The following KCNIP4 variants were observed in gnomAD, a reference collection of about 807,000 sequenced individuals.
KCNIP4 encodes the protein Kv channel-interacting protein 4.
Under a neutral mutation model 34.0 loss-of-function variants are expected in KCNIP4, and 12 were observed. The ratio of observed to expected loss-of-function variants is 0.35; its 90% CI spans 0.23 to 0.57. The LOEUF is 0.57. Among genes scored for constraint, KCNIP4 ranks in the 20% least tolerant of loss-of-function variants. KCNIP4 has a pLI of 0.83. For synonymous variants in KCNIP4, 124 were observed against 102.2 expected, an observed-to-expected ratio of 1.21 and a Z score of -1.29; for missense variants, 238 against 311.7, an observed-to-expected ratio of 0.76 and a Z score of 1.78.
chr4:21,449,417 C>A (rs1298472296), intron 1 of KCNIP4, among the ~76,000 whole-genome samples: 1 of 151,968 alleles, frequency 6.6e-6, no homozygotes, highest in Non-Finnish European at 1.5e-5. Flanking sequence ...TCACCCATAC[C>A]TAATTTCGAT....
intron 1 of KCNIP4, among the ~76,000 whole-genome samples, chr4:21,106,371 T>C (rs931051496): frequency 2.6e-5 from 4 of 151,804 alleles, no homozygotes; most frequent in African/African-American, 7.3e-5. Flanking sequence ...CTAGATTTTC[T>C]AGTTTATTTG....
intron 3 of KCNIP4, among the ~76,000 whole-genome samples, chr4:20,828,743 A>G (rs75292282): frequency 6.6e-6 from 1 of 152,152 alleles, no homozygotes. Flanking sequence ...TTGTTTGTTG[A>G]ATTTTTATAT....
intron 1 of KCNIP4, among the ~76,000 whole-genome samples, chr4:21,153,991 A>AC (rs1186472631): frequency 6.6e-6 from 1 of 150,952 alleles, no homozygotes; most frequent in African/African-American, 2.4e-5. Context: ...TTAAAAAAAA[A>AC]ATGGAAAAAA....
chr4:21,415,595 A>G (rs912649095), intron 1 of KCNIP4, among the ~76,000 whole-genome samples: 46 of 151,858 alleles, frequency 3.0e-4, no homozygotes, highest in African/African-American at 1.1e-3. Flanking sequence ...CCAACTATTC[A>G]GGAGGCTGAG....
intron 1 of KCNIP4, among the ~76,000 whole-genome samples, chr4:21,591,013 A>AG (rs973118011): frequency 5.9e-5 from 9 of 152,132 alleles, no homozygotes; most frequent in Admixed American, 5.9e-4. Context: ...TGTCAAGAGG[A>AG]GGAGACTAAT....
In KCNIP4 at chr4:20,907,908, T is replaced by C. The variant is rs141778674; in HGVS notation, c.62-25199A>G. On this transcript the variant is annotated intron_variant, in intron 1 of 8. Transcript: ENST00000382152. ...TCTTGAACAACTGAACTATTATTAA[T>C]CGTCAAGTTTTTTTTAGCTAATTCC... Among the ~76,000 whole-genome samples the C allele has an allele frequency of 7.0e-3, 1,072 of 152,132 alleles. 9 individuals are homozygous for C. Among genetic ancestry groups the C allele is most frequent in the African/African-American group, 0.024 (1,013 of 41,510 alleles).
At chr4:20,803,724 A>AAGG (rs1714692923) in intron 3 of KCNIP4, among the ~76,000 whole-genome samples, 1 of 67,108 alleles carries the variant, frequency 1.5e-5, no homozygotes, top group Admixed American at 2.3e-4. Context: ...AGAGAGAGAG[A>AAGG]GAGAGGAAGG....
At chr4:21,781,423 C>T (rs1194528179) in intron 1 of KCNIP4, among the ~76,000 whole-genome samples, 1 of 152,108 alleles carries the variant, frequency 6.6e-6, no homozygotes, top group Non-Finnish European at 1.5e-5. Flanking sequence ...ACTAATATAA[C>T]ATCTGCAATG....
chr4:21,068,540 G>C (rs1286567471), intron 1 of KCNIP4, among the ~76,000 whole-genome samples: 1 of 152,020 alleles, frequency 6.6e-6, no homozygotes, highest in African/African-American at 2.4e-5. Context: ...GGTCAAGCAG[G>C]CTCCACACAG....
chr4:21,054,443 T>C (rs1743221459), intron 1 of KCNIP4, among the ~76,000 whole-genome samples: 2 of 150,364 alleles, frequency 1.3e-5, no homozygotes, highest in Non-Finnish European at 3.0e-5. Context: ...CGCATGAACC[T>C]GGGAGGCAGA....
chr4:21,508,083 C>A (rs1485106170), intron 1 of KCNIP4, among the ~76,000 whole-genome samples: 1 of 152,160 alleles, frequency 6.6e-6, no homozygotes, highest in Non-Finnish European at 1.5e-5. Context: ...ACACAGCATC[C>A]AAACACCATA....
At chr4:21,595,263 T>C (rs900672241) in intron 1 of KCNIP4, among the ~76,000 whole-genome samples, 26 of 152,146 alleles carry the variant, frequency 1.7e-4, no homozygotes, top group Non-Finnish European at 3.7e-4. Flanking sequence ...GTTCCTGTGA[T>C]AGTTTGCTGA....
intron 1 of KCNIP4, among the ~76,000 whole-genome samples, chr4:21,171,574 C>T (rs897425824): frequency 3.9e-5 from 6 of 152,142 alleles, no homozygotes; most frequent in Admixed American, 2.6e-4. Context: ...CTCAGAATCC[C>T]TCTGTCAGAA....
chr4:21,777,183 A>C (rs1218058211), intron 1 of KCNIP4, among the ~76,000 whole-genome samples: 1 of 152,166 alleles, frequency 6.6e-6, no homozygotes, highest in Admixed American at 6.5e-5. Context: ...CATGATTGTA[A>C]GTTTCCTGAG....
chr4:21,070,292 C>A (rs1744773113), intron 1 of KCNIP4, among the ~76,000 whole-genome samples: 1 of 152,168 alleles, frequency 6.6e-6, no homozygotes, highest in Non-Finnish European at 1.5e-5. Context: ...CTGCTGTGAA[C>A]AATCATGTGC....
In KCNIP4 at chr4:21,264,501, T is replaced by G. The variant is rs1304557242; in HGVS notation, c.62-381792A>C. 2.0e-5 allele frequency among the ~76,000 whole-genome samples: 3 copies of G among 152,172 alleles called. No individual in the cohort carries two copies. The East Asian group carries it at 5.8e-4, about 29-fold the overall frequency. ...GCTGAACTGGAATGCAGGCTCTGTC[T>G]CTTCCTTACTGGCTGTGTTATTTAA... is the stretch of plus-strand genomic sequence containing the variant. On this transcript the variant is annotated intron_variant, in intron 1 of 8. Coordinates refer to ENST00000382152, the MANE Select transcript of KCNIP4 (RefSeq NM_025221.6).
At chr4:21,246,181 G>A (rs1281578291) in intron 1 of KCNIP4, among the ~76,000 whole-genome samples, 5 of 151,172 alleles carry the variant, frequency 3.3e-5, no homozygotes, top group South Asian at 2.1e-4. Context: ...AAATGTGGAG[G>A]CCAACAGAGC....
intron 1 of KCNIP4, among the ~76,000 whole-genome samples, chr4:20,962,084 G>A (rs1226950318): frequency 6.6e-6 from 1 of 152,128 alleles, no homozygotes; most frequent in Non-Finnish European, 1.5e-5. Flanking sequence ...AATTTAGGAA[G>A]GATAAATTTC....
At chr4:21,096,112 T>C (rs941210020) in intron 1 of KCNIP4, among the ~76,000 whole-genome samples, 2 of 152,148 alleles carry the variant, frequency 1.3e-5, no homozygotes, top group African/African-American at 4.8e-5. Context: ...AAGGGAATGC[T>C]GCATTCCTTT....
Sources: allele counts gnomAD v4.1 joint callset (sites outside exome capture counted in the v4.1 genomes callset), GRCh38; gene constraint gnomAD v4.1.1; transcripts MANE v1.5; gene names NCBI Gene and HGNC (gene_info 2026-07-23, HGNC 2026-07-21).